The following NEUROD1 variants were observed in gnomAD, a reference collection of about 807,000 sequenced individuals.
NEUROD1 encodes the protein neuronal differentiation 1, also known as neurogenic differentiation factor 1.
A neutral mutation model predicts 21.8 loss-of-function variants in NEUROD1; 9 were observed. The observed-to-expected ratio is 0.41, with a 90% CI of 0.25 to 0.72. NEUROD1 has a LOEUF of 0.72. Ranked by LOEUF, NEUROD1 falls within the 30% of genes least tolerant of loss-of-function variation. NEUROD1 has a pLI of 0.31. For synonymous variants in NEUROD1, 199 were observed against 186.2 expected (o/e 1.07, Z -0.56); for missense variants, 434 against 468.8 (o/e 0.93, Z 0.69).
chr2:181,679,810 CT>C (rs929987025), intron 1 of NEUROD1, among the ~76,000 whole-genome samples: 4 of 152,214 alleles, frequency 2.6e-5, no homozygotes, highest in African/African-American at 9.6e-5. Flanking sequence ...AATAAAAAGC[CT>C]TTAGTAAAAC....
At chr2:181,673,971 T>C (rs191919954), downstream of NEUROD1, among the ~76,000 whole-genome samples, 1 of 152,242 alleles carries the variant, frequency 6.6e-6, no homozygotes, top group African/African-American at 2.4e-5. Context: ...TAGAACACTC[T>C]TGATATTATA....
Position 181,677,957 on chromosome 2 carries a change from G to A in NEUROD1, c.904C>T (p.His302Tyr). 6.2e-7 allele frequency: 1 copy of A among 1,614,216 alleles called. No homozygotes were observed. Among genetic ancestry groups the A allele is most frequent in the Non-Finnish European group, 8.5e-7 (1 of 1,180,038 alleles). Residue 302 changes from histidine (H) to tyrosine (Y), a missense_variant, in exon 2 of 2, where the codon CAC (histidine) becomes TAC (tyrosine). His to Tyr is a moderately conservative substitution (Grantham distance 83). Transcript: ENST00000295108. ...CCTGCCAGTGTCGCTGCAGGATAGTGCATGGTAAAGGCATAATTTTTCTCA... is the reference window on the plus strand; with the variant it reads ...CCTGCCAGTGTCGCTGCAGGATAGTACATGGTAAAGGCATAATTTTTCTCA... ...EFEKNYAFTM[H>Y]YPAATLAGAQ...
At chr2:181,669,409 C>G (rs1209761192), downstream of NEUROD1, among the ~76,000 whole-genome samples, 1 of 152,152 alleles carries the variant, frequency 6.6e-6, no homozygotes, top group African/African-American at 2.4e-5. Flanking sequence ...TTCTACCCTA[C>G]TCTAATTCTC....
At chr2:181,679,972 A>G (rs1688667597) in intron 1 of NEUROD1, among the ~76,000 whole-genome samples, 1 of 152,190 alleles carries the variant, frequency 6.6e-6, no homozygotes, top group Non-Finnish European at 1.5e-5. Flanking sequence ...CATGGTGTGA[A>G]TACTCAAGGT....
chr2:181,670,908 A>G (rs754997503), exon 2 of NEUROD1, among the ~76,000 whole-genome samples: 13 of 152,088 alleles, frequency 8.5e-5, no homozygotes, highest in Non-Finnish European at 1.8e-4. Flanking sequence ...TCTTAATTAA[A>G]TCTGGAAAGA....
At chr2:181,676,378 G>T (rs574549383), downstream of NEUROD1, 1 of 152,680 alleles carries the variant, frequency 6.5e-6, no homozygotes, top group African/African-American at 2.4e-5. Flanking sequence ...TACATATAGT[G>T]TTTAGTATTT....
chr2:181,675,893 C>T (rs185235934), downstream of NEUROD1, among the ~76,000 whole-genome samples: 257 of 152,240 alleles, frequency 1.7e-3, no homozygotes, highest in Middle Eastern at 3.4e-3. Context: ...TGTTACTTCT[C>T]TTGGATTCTT....
chr2:181,673,539 C>T (rs1688526180), downstream of NEUROD1: 1 of 152,184 alleles, frequency 6.6e-6, no homozygotes, highest in African/African-American at 2.4e-5. Flanking sequence ...TTTTATTCTT[C>T]ATCAGACCCT....
downstream of NEUROD1, among the ~76,000 whole-genome samples, chr2:181,671,967 C>T (rs1230297719): frequency 6.6e-6 from 1 of 152,086 alleles, no homozygotes; most frequent in Non-Finnish European, 1.5e-5. Context: ...TATTGATGTG[C>T]TAAGTTTATA....
intron 1 of NEUROD1, among the ~76,000 whole-genome samples, chr2:181,679,594 C>G (rs891338407): frequency 6.6e-6 from 1 of 152,198 alleles, no homozygotes; most frequent in Non-Finnish European, 1.5e-5. Flanking sequence ...AGCTGCAGGG[C>G]GAGGGCTGGG....
rs1688650145 is a variant in NEUROD1 at position 181,678,907 on chromosome 2, A to C, written c.-11-36T>G. The C allele has an allele frequency of 6.2e-7, 1 of 1,610,084 alleles. No individual in the cohort carries two copies. Among genetic ancestry groups the C allele is most frequent in the East Asian group, 2.2e-5 (1 of 44,890 alleles). On this transcript the variant is annotated intron_variant, in intron 1 of 1. Coordinates refer to ENST00000295108, the MANE Select transcript of NEUROD1 (RefSeq NM_002500.5). The surrounding 1 kb of genome is among the most constrained non-coding windows in gnomAD (Gnocchi z 5.5). ...CAAGGGAGAGGCAAACAGAAAGAAAAGCAGAAAAACGCTATATTCAAAAGC... is the reference window on the plus strand; with the variant it reads ...CAAGGGAGAGGCAAACAGAAAGAAACGCAGAAAAACGCTATATTCAAAAGC...
intron 1 of NEUROD1, among the ~76,000 whole-genome samples, chr2:181,679,322 G>C (rs1176289761): frequency 6.6e-6 from 1 of 151,646 alleles, no homozygotes; most frequent in Non-Finnish European, 1.5e-5. Context: ...TTCTGTCCTG[G>C]CTTCCAGATA....
Position 181,678,630 on chromosome 2 carries a change from G to T in NEUROD1, c.231C>A (p.Asp77Glu). 1 of 1,613,866 alleles carries T rather than the reference G, an allele frequency of 6.2e-7. No individual in the cohort carries two copies. The highest frequency in any genetic ancestry group is 8.5e-7 in the Non-Finnish European group (1 of 1,179,912). The change falls in exon 2 of 2, where the codon GAC becomes GAA. Residue 77 changes from aspartate (D) to glutamate (E), a missense_variant. Physicochemically the swap from Asp to Glu is conservative, Grantham distance 45. Coordinates refer to ENST00000295108, the MANE Select transcript of NEUROD1 (RefSeq NM_002500.5). The surrounding 1 kb of genome is among the most constrained non-coding windows in gnomAD (Gnocchi z 5.5). The part of the protein sequence containing the change: ...EEEEEEEEED[D>E]DQKPKRRGPK... ...GGCCGCGTCTCTTGGGCTTTTGATC[G>T]TCATCCTCCTCTTCCTCTTCTTCCT...
In NEUROD1 at chr2:181,678,307, G is replaced by A. The variant is rs375030401; in HGVS notation, c.554C>T (p.Ala185Val). 16 of 1,613,956 alleles carry A rather than the reference G, an allele frequency of 9.9e-6. No homozygotes were observed. Among genetic ancestry groups the A allele is most frequent in the African/African-American group, 2.7e-5 (2 of 74,946 alleles). The change falls in exon 2 of 2, where the codon GCG becomes GTG. Residue 185 changes from alanine (A) to valine (V), a missense_variant. Coordinates refer to ENST00000295108, the MANE Select transcript of NEUROD1 (RefSeq NM_002500.5). The surrounding 1 kb of genome is among the most constrained non-coding windows in gnomAD (Gnocchi z 5.5). ...CCGAGGATTGAGTTGCAGGCAGCCCGCAACCAGGTTGGTGGTGGGTTGGGA... is the reference window on the plus strand; with the variant it reads ...CCGAGGATTGAGTTGCAGGCAGCCCACAACCAGGTTGGTGGTGGGTTGGGA... ...GLSQPTTNLV[A>V]GCLQLNPRTF...
Position 181,678,134 on chromosome 2 carries a change from T to A in NEUROD1, c.727A>T (p.Lys243Ter). The stretch of plus-strand genomic sequence containing the variant: ...GCGCTGTAGGCGTGCGGCGGAGGCT[T>A]AACGTGGAAGACATGGGAGCTGTCC... ...TMDSSHVFHVKPPPHAYSAAL... is the reference protein window; with the variant it reads ...TMDSSHVFHV Residue 243 changes from lysine to a stop codon, truncating the protein, a stop_gained, in exon 2 of 2, where the codon AAG becomes TAG. Transcript: ENST00000295108. LOFTEE classifies it high-confidence loss of function. This position sits in a 1 kb window ranked among gnomAD's most constrained non-coding sequence, Gnocchi z 5.5. 6.2e-7 allele frequency: 1 copy of A among 1,614,068 alleles called. No homozygotes were observed. The highest frequency in any genetic ancestry group is 1.1e-5 in the South Asian group (1 of 91,064).
chr2:181,674,550 A>C (rs115957541), downstream of NEUROD1, among the ~76,000 whole-genome samples: 73 of 152,326 alleles, frequency 4.8e-4, no homozygotes, highest in African/African-American at 1.7e-3. Context: ...TAAGTGAGTA[A>C]ATTTGTAGAA....
downstream of NEUROD1, among the ~76,000 whole-genome samples, chr2:181,674,806 GA>G (rs34619473): frequency 0.015 from 2,144 of 143,896 alleles, 43 homozygotes; most frequent in African/African-American, 0.048. Flanking sequence ...AAAATGGGAA[GA>G]AAAAAAAAAA....
At chr2:181,668,932 C>T (rs139444675), downstream of NEUROD1, among the ~76,000 whole-genome samples, 7 of 152,292 alleles carry the variant, frequency 4.6e-5, no homozygotes, top group East Asian at 1.3e-3. Context: ...AGAAGGTCAA[C>T]ATGCCTCCAC....
In NEUROD1 at chr2:181,678,123, C is replaced by A; in HGVS notation, c.738G>T (p.Pro246=). 3 of 1,614,128 alleles carry A rather than the reference C, an allele frequency of 1.9e-6. No individual in the cohort carries two copies. The highest frequency in any genetic ancestry group is 2.5e-6 in the Non-Finnish European group (3 of 1,180,046). ...SSHVFHVKPP[P]HAYSAALEPF... is the part of the protein sequence containing the mutation. The stretch of plus-strand genomic sequence containing the variant: ...GCTCCAGCGCTGCGCTGTAGGCGTG[C>A]GGCGGAGGCTTAACGTGGAAGACAT... Residue 246 remains proline (P), a synonymous_variant, in exon 2 of 2, where the codon CCG becomes CCT. Transcript: ENST00000295108. This position sits in a 1 kb window ranked among gnomAD's most constrained non-coding sequence, Gnocchi z 5.5.
Sources: allele counts gnomAD v4.1 joint callset (sites outside exome capture counted in the v4.1 genomes callset), GRCh38; gene constraint gnomAD v4.1.1; non-coding constraint Gnocchi (gnomAD v3.1); transcripts MANE v1.5; gene names NCBI Gene and HGNC (gene_info 2026-07-23, HGNC 2026-07-21).